The following TBC1D22A variants were observed in gnomAD, a reference collection of about 807,000 sequenced individuals.
The protein encoded by TBC1D22A is putative GTPase activator.
Under a neutral mutation model 60.2 loss-of-function variants are expected in TBC1D22A, and 38 were observed. The ratio of observed to expected loss-of-function variants is 0.63; its 90% CI spans 0.49 to 0.83. The LOEUF is 0.83. Ranked by LOEUF, TBC1D22A falls within the 40% of genes least tolerant of loss-of-function variation. TBC1D22A has a pLI of 0.00. For synonymous variants in TBC1D22A, 302 were observed against 281.7 expected, an observed-to-expected ratio of 1.07 and a Z score of -0.72; for missense variants, 628 against 701.0, an observed-to-expected ratio of 0.90 and a Z score of 1.18.
At chr22:47,119,344 C>G (rs537982415) in intron 12 of TBC1D22A, among the ~76,000 whole-genome samples, 1 of 152,206 alleles carries the variant, frequency 6.6e-6, no homozygotes, top group Non-Finnish European at 1.5e-5. Flanking sequence ...TCTCACAGAG[C>G]TGGCCACCCG....
intron 4 of TBC1D22A, among the ~76,000 whole-genome samples, chr22:46,858,136 C>T (rs1280212149): frequency 6.6e-6 from 1 of 152,168 alleles, no homozygotes; most frequent in East Asian, 1.9e-4. Flanking sequence ...ACATTGTCAC[C>T]ATCCTTCTGT....
chr22:47,077,846 A>G (rs976982320), intron 11 of TBC1D22A, among the ~76,000 whole-genome samples: 5 of 152,150 alleles, frequency 3.3e-5, no homozygotes, highest in Admixed American at 6.6e-5. Context: ...TTAAAATGGG[A>G]TAGGAATGCC....
chr22:46,772,126 T>G (rs13056149), intron 1 of TBC1D22A, among the ~76,000 whole-genome samples: 5 of 60,726 alleles, frequency 8.2e-5, no homozygotes, highest in Non-Finnish European at 1.2e-4. Context: ...TACACACATA[T>G]ACATATATAT....
At position 47,068,490 on chromosome 22, in the gene TBC1D22A, A is replaced by C. The variant is rs139951227; in HGVS notation, c.1329+31292A>C. The stretch of plus-strand genomic sequence containing the variant: ...TTGATGTTACGACTTGCAGCACCAC[A>C]GAGCACCTGCTTTTCATATAAGTTC... On this transcript the variant is annotated intron_variant, in intron 11 of 12. Transcript: ENST00000337137. 8.3e-4 allele frequency among the ~76,000 whole-genome samples: 127 copies of C among 152,376 alleles called. 2 individuals carry two copies. The East Asian group carries it at 0.022, about 26-fold the overall frequency.
intron 4 of TBC1D22A, among the ~76,000 whole-genome samples, chr22:46,810,974 G>A (rs2147031981): frequency 6.6e-6 from 1 of 152,310 alleles, no homozygotes; most frequent in Non-Finnish European, 1.5e-5. Context: ...AAGAGGCTGG[G>A]CTTACTTTGG....
At chr22:47,157,051 T>A (rs2067748505) in intron 12 of TBC1D22A, among the ~76,000 whole-genome samples, 1 of 152,216 alleles carries the variant, frequency 6.6e-6, no homozygotes, top group Non-Finnish European at 1.5e-5. Context: ...GGCCAGGCAC[T>A]GGGTGCCCCC....
At chr22:46,937,296 C>T (rs2071711252) in intron 8 of TBC1D22A, among the ~76,000 whole-genome samples, 1 of 152,202 alleles carries the variant, frequency 6.6e-6, no homozygotes, top group Non-Finnish European at 1.5e-5. Flanking sequence ...CCAGGATATA[C>T]AGTTCTGCGC....
chr22:46,923,178 AG>A (rs1806243290), intron 8 of TBC1D22A, among the ~76,000 whole-genome samples: 1 of 152,254 alleles, frequency 6.6e-6, no homozygotes, highest in Non-Finnish European at 1.5e-5. Context: ...TTATGAAGGA[AG>A]CAATTAAAAT....
At chr22:46,783,488 C>T (rs149230181) in intron 1 of TBC1D22A, among the ~76,000 whole-genome samples, 3 of 152,340 alleles carry the variant, frequency 2.0e-5, no homozygotes, top group South Asian at 2.1e-4. Context: ...AAGAGGACAG[C>T]GCACACACGC....
chr22:46,773,961 C>T (rs2083594506), intron 1 of TBC1D22A: 5 of 985,408 alleles, frequency 5.1e-6, no homozygotes, highest in Non-Finnish European at 6.0e-6. Flanking sequence ...CAGCCTCATC[C>T]TTATCTCCTC....
Position 47,106,948 on chromosome 22 carries a change from CAAAA to C in TBC1D22A, c.1330-4557_1330-4554del, listed in dbSNP as rs2065659365. ...CTCCATCTCAAAAAACACAACAAAACAAAAAACAAAAGTCACAATGGAACTGAAA... is the reference window on the plus strand; with the variant it reads ...CTCCATCTCAAAAAACACAACAAAACAACAAAAGTCACAATGGAACTGAAA... On this transcript the variant is annotated intron_variant, in intron 11 of 12. Coordinates refer to ENST00000337137, the MANE Select transcript of TBC1D22A (RefSeq NM_014346.5). Among the ~76,000 whole-genome samples, 5 of 152,124 alleles carry C rather than the reference CAAAA, an allele frequency of 3.3e-5. No individual in the cohort carries two copies. In the South Asian group the frequency reaches 8.3e-4, roughly 25 times the overall value.
intron 10 of TBC1D22A, among the ~76,000 whole-genome samples, chr22:47,022,902 G>T (rs913804914): frequency 6.6e-6 from 1 of 152,070 alleles, no homozygotes; most frequent in African/African-American, 2.4e-5. Context: ...TTGCATCCCA[G>T]CAAAAATTCA....
intron 4 of TBC1D22A, among the ~76,000 whole-genome samples, chr22:46,858,984 G>C (rs2087725655): frequency 6.8e-6 from 1 of 147,348 alleles, no homozygotes; most frequent in East Asian, 1.9e-4. Context: ...GGTCTGTGTA[G>C]TGCTGTGCCC....
chr22:46,984,348 C>T (rs1419744980), intron 9 of TBC1D22A, among the ~76,000 whole-genome samples: 1 of 103,708 alleles, frequency 9.6e-6, no homozygotes, highest in Non-Finnish European at 1.8e-5. Context: ...GCCGGGGCGA[C>T]AGAACCAGAC....
intron 1 of TBC1D22A, among the ~76,000 whole-genome samples, chr22:46,783,609 A>G (rs1481529384): frequency 6.6e-6 from 1 of 151,288 alleles, no homozygotes; most frequent in African/African-American, 2.5e-5. Context: ...TTTACCACTC[A>G]TGTGTATCAA....
At chr22:47,170,571 G>T (rs566293605) in intron 12 of TBC1D22A, among the ~76,000 whole-genome samples, 7 of 152,318 alleles carry the variant, frequency 4.6e-5, no homozygotes, top group Admixed American at 2.0e-4. Context: ...GGGGGTGGAA[G>T]CCCAGCAACT....
At chr22:47,036,974 G>T in intron 10 of TBC1D22A, 97 bp from the exon 11 acceptor site, 1 of 1,502,824 alleles carries the variant, frequency 6.7e-7, no homozygotes, top group Non-Finnish European at 9.1e-7. Flanking sequence ...GTGGGGTTCT[G>T]AGGCGGGCGC....
chr22:47,101,857 T>C (rs1213337746), intron 11 of TBC1D22A, among the ~76,000 whole-genome samples: 1 of 152,214 alleles, frequency 6.6e-6, no homozygotes, highest in Non-Finnish European at 1.5e-5. Context: ...CCATTGCACA[T>C]GGCACATGGC....
intron 8 of TBC1D22A, among the ~76,000 whole-genome samples, chr22:46,960,569 G>A (rs752645492): frequency 8.5e-5 from 13 of 152,148 alleles, no homozygotes; most frequent in East Asian, 1.9e-4. Flanking sequence ...GCCTCTTGGC[G>A]TCTTTTGGCC....
Sources: allele counts gnomAD v4.1 joint callset (sites outside exome capture counted in the v4.1 genomes callset), GRCh38; gene constraint gnomAD v4.1.1; transcripts MANE v1.5; gene names NCBI Gene and HGNC (gene_info 2026-07-23, HGNC 2026-07-21).